MAPK10: variants seen among roughly 807,000 people sequenced by gnomAD.
MAPK10 encodes mitogen-activated protein kinase 10, also known as JNK3 alpha protein kinase.
In MAPK10, 25 loss-of-function variants were observed where a neutral mutation model predicts 59.3. That is an observed-to-expected ratio of 0.42 (90% CI 0.31 to 0.59). MAPK10 has a LOEUF of 0.59. Among genes scored for constraint, MAPK10 ranks in the 20% least tolerant of loss-of-function variants. The probability of loss-of-function intolerance (pLI) is 0.15; values close to 1 mark genes in which losing one functional copy is unlikely to be tolerated. For synonymous variants in MAPK10, 190 were observed against 200.5 expected (o/e 0.95, Z 0.44); for missense variants, 351 against 568.9 (o/e 0.62, Z 3.90).
chr4:86,347,143 T>A (rs1243525157), intron 2 of MAPK10, among the ~76,000 whole-genome samples: 1 of 152,170 alleles, frequency 6.6e-6, no homozygotes. Context: ...AAACTTTAAA[T>A]TTATGGTATC....
chr4:86,475,145 C>T (rs150730201), intron 1 of MAPK10, among the ~76,000 whole-genome samples: 2,729 of 152,224 alleles, frequency 0.018, 80 homozygotes, highest in African/African-American at 0.063. Flanking sequence ...CAGACTCAGC[C>T]CACCTGCACC....
intron 2 of MAPK10, among the ~76,000 whole-genome samples, chr4:86,246,326 G>A (rs1187199099): frequency 6.6e-6 from 1 of 152,078 alleles, no homozygotes; most frequent in Non-Finnish European, 1.5e-5. Context: ...AGCTACTCGG[G>A]AGGCTGAGGG....
intron 2 of MAPK10, among the ~76,000 whole-genome samples, chr4:86,286,166 A>C (rs2095000101): frequency 6.6e-6 from 1 of 152,218 alleles, no homozygotes. Flanking sequence ...TTTTTAAAGA[A>C]ATGTGTAAAC....
intron 1 of MAPK10, among the ~76,000 whole-genome samples, chr4:86,556,604 A>T (rs1056689626): frequency 2.6e-5 from 4 of 152,186 alleles, no homozygotes; most frequent in Non-Finnish European, 4.4e-5. Flanking sequence ...GTCAACTAAA[A>T]GAAATAATAC....
intron 1 of MAPK10, among the ~76,000 whole-genome samples, chr4:86,468,325 C>T (rs1239657883): frequency 6.6e-6 from 1 of 152,138 alleles, no homozygotes; most frequent in Non-Finnish European, 1.5e-5. Flanking sequence ...GAGTCCCCCT[C>T]CCCCTATTGC....
At chr4:86,568,845 A>C (rs1001664381) in intron 1 of MAPK10, among the ~76,000 whole-genome samples, 2 of 152,140 alleles carry the variant, frequency 1.3e-5, no homozygotes, top group Non-Finnish European at 2.9e-5. Context: ...AAAAATCCAA[A>C]AGAAAACCTA....
At chr4:86,467,363 G>T (rs1349843880) in intron 1 of MAPK10, among the ~76,000 whole-genome samples, 2 of 152,218 alleles carry the variant, frequency 1.3e-5, no homozygotes, top group African/African-American at 4.8e-5. Flanking sequence ...AAAATAGGTT[G>T]AGGGGTTTCA....
intron 2 of MAPK10, among the ~76,000 whole-genome samples, chr4:86,269,540 C>A (rs185557812): frequency 1.3e-5 from 2 of 152,178 alleles, no homozygotes; most frequent in Admixed American, 1.3e-4. Flanking sequence ...CTTGTCTCAG[C>A]CCTCAAGGCC....
chr4:86,578,849 GAAAATCTTGAAGATTTTCTGTTTA>G (rs1210221365), intron 1 of MAPK10, among the ~76,000 whole-genome samples: 2 of 151,924 alleles, frequency 1.3e-5, no homozygotes, highest in African/African-American at 4.8e-5. Flanking sequence ...ATTTTAAACA[GAAAATCTTGAAGATTTTCTGTTTA>G]AAAATCTGGA....
At chr4:86,208,855 T>G (rs1481171436) in intron 2 of MAPK10, among the ~76,000 whole-genome samples, 1 of 152,092 alleles carries the variant, frequency 6.6e-6, no homozygotes, top group East Asian at 1.9e-4. Context: ...ACCAATTATT[T>G]TAAGCAATAA....
chr4:86,518,788 A>G (rs1251577320), intron 1 of MAPK10, among the ~76,000 whole-genome samples: 1 of 151,978 alleles, frequency 6.6e-6, no homozygotes, highest in Non-Finnish European at 1.5e-5. Flanking sequence ...CTTTTTCTGT[A>G]TCTCAGAGGT....
intron 1 of MAPK10, chr4:86,357,568 T>C (rs1446171751): frequency 1.3e-5 from 2 of 152,220 alleles, no homozygotes; most frequent in Non-Finnish European, 2.9e-5. Flanking sequence ...AAATTATCAG[T>C]TCATTCTAAC....
At chr4:86,298,040 T>G (rs893624934) in intron 2 of MAPK10, among the ~76,000 whole-genome samples, 1 of 152,208 alleles carries the variant, frequency 6.6e-6, no homozygotes, top group Non-Finnish European at 1.5e-5. Context: ...TGGTCCTATC[T>G]GCCTGACGTG....
intron 1 of MAPK10, among the ~76,000 whole-genome samples, chr4:86,493,258 G>A (rs537808523): frequency 2.6e-5 from 4 of 152,244 alleles, no homozygotes; most frequent in Non-Finnish European, 4.4e-5. Context: ...TTTGCGAATC[G>A]TTCATTGCTC....
intron 2 of MAPK10, among the ~76,000 whole-genome samples, chr4:86,346,428 T>C (rs1728236427): frequency 1.3e-5 from 2 of 152,180 alleles, no homozygotes; most frequent in South Asian, 4.1e-4. Flanking sequence ...GTATTGTTTA[T>C]AACAAGAGAA....
intron 1 of MAPK10, among the ~76,000 whole-genome samples, chr4:86,536,089 T>C (rs372082464): frequency 5.3e-5 from 8 of 152,170 alleles, no homozygotes; most frequent in Admixed American, 2.0e-4. Context: ...TTCTACTCAA[T>C]TGATGTAGGA....
intron 1 of MAPK10, among the ~76,000 whole-genome samples, chr4:86,519,524 G>A (rs893679414): frequency 6.6e-6 from 1 of 152,070 alleles, no homozygotes; most frequent in Non-Finnish European, 1.5e-5. Flanking sequence ...TATGTATTAG[G>A]TGAGTCTCTT....
chr4:86,505,919 G>A (rs1412936845), intron 1 of MAPK10, among the ~76,000 whole-genome samples: 1 of 152,116 alleles, frequency 6.6e-6, no homozygotes, highest in Non-Finnish European at 1.5e-5. Flanking sequence ...TCCTCTAGCA[G>A]ATGATCTTGT....
At chr4:86,367,116 G>A (rs1456034069) in intron 1 of MAPK10, among the ~76,000 whole-genome samples, 1 of 152,140 alleles carries the variant, frequency 6.6e-6, no homozygotes, top group African/African-American at 2.4e-5. Context: ...TTAAAGAAGT[G>A]TCACCTAGCT....
Sources: allele counts gnomAD v4.1 joint callset (sites outside exome capture counted in the v4.1 genomes callset), GRCh38; gene constraint gnomAD v4.1.1; transcripts MANE v1.5; gene names NCBI Gene and HGNC (gene_info 2026-07-23, HGNC 2026-07-21).